The following NEK1 variants were observed in gnomAD, a reference collection of about 807,000 sequenced individuals.
The protein encoded by NEK1 is serine/threonine-protein kinase Nek1.
Under a neutral mutation model 182.1 loss-of-function variants are expected in NEK1, and 137 were observed. The observed-to-expected ratio is 0.75, with a 90% CI of 0.65 to 0.87. The LOEUF (loss-of-function observed/expected upper bound fraction) is 0.87. Ranked by LOEUF, NEK1 falls within the 40% of genes least tolerant of loss-of-function variation. The probability of loss-of-function intolerance (pLI) is 0.00; values close to 1 mark genes in which losing one functional copy is unlikely to be tolerated. For missense variants in NEK1, 1,391 were observed against 1,494.4 expected (o/e 0.93, Z 1.14); for synonymous variants, 513 against 492.2 (o/e 1.04, Z -0.56).
rs532859434 is a variant in NEK1, at chr4:169,570,826, T to C, written c.1020+6102A>G. Among the ~76,000 whole-genome samples, 6 of 152,370 alleles carry C rather than the reference T, an allele frequency of 3.9e-5. No individual in the cohort carries two copies. The South Asian group carries it at 8.3e-4, about 21-fold the overall frequency. ...ACATGGGAGACTTTTCATTTTGTTC[T>C]GTACTAAGAACAAATTCTTCTGCCT... On this transcript the variant is annotated intron_variant, in intron 12 of 35. Coordinates refer to ENST00000507142, the MANE Select transcript of NEK1 (RefSeq NM_001199397.3).
intron 23 of NEK1, among the ~76,000 whole-genome samples, chr4:169,499,511 T>A (rs1752015938): frequency 6.6e-6 from 1 of 152,180 alleles, no homozygotes; most frequent in African/African-American, 2.4e-5. Flanking sequence ...TTCTGCTCTG[T>A]TTTTTCCCTA....
intron 27 of NEK1, among the ~76,000 whole-genome samples, chr4:169,459,273 A>C (rs1454185233): frequency 6.6e-6 from 1 of 152,232 alleles, no homozygotes; most frequent in Non-Finnish European, 1.5e-5. Flanking sequence ...TATAGTAAGA[A>C]TCATATGAAA....
At chr4:169,559,526 G>C (rs970746348) in intron 16 of NEK1, among the ~76,000 whole-genome samples, 1 of 152,126 alleles carries the variant, frequency 6.6e-6, no homozygotes, top group African/African-American at 2.4e-5. Context: ...TGCACCTCAA[G>C]AGACTGAAAA....
rs576098901 is a variant in NEK1 at position 169,496,560 on chromosome 4, T to C, written c.2007+10477A>G. Among the ~76,000 whole-genome samples the C allele has an allele frequency of 3.9e-3, 596 of 151,164 alleles. 5 individuals are homozygous for C. The highest frequency in any genetic ancestry group is 0.03 in the South Asian group (143 of 4,820). On this transcript the variant is annotated intron_variant, in intron 23 of 35. Transcript: ENST00000507142. ...TGGGTTTGTCATAGATAGCTCTTATTATTTTGAGATACGTCCCATCAATAC... is the reference window on the plus strand; with the variant it reads ...TGGGTTTGTCATAGATAGCTCTTATCATTTTGAGATACGTCCCATCAATAC...
chr4:169,501,080 CA>C (rs1005025712), intron 23 of NEK1, among the ~76,000 whole-genome samples: 4 of 151,954 alleles, frequency 2.6e-5, no homozygotes, highest in African/African-American at 9.7e-5. Flanking sequence ...AAATTTAAAA[CA>C]AAAAAGATCA....
At chr4:169,395,997 C>A (rs7663120) in intron 35 of NEK1, among the ~76,000 whole-genome samples, 137,474 of 152,200 alleles carry the variant, frequency 0.9, 62,188 homozygotes, top group African/African-American at 0.94. Flanking sequence ...CCGATGTATA[C>A]AATTTCATTA....
intron 23 of NEK1, among the ~76,000 whole-genome samples, chr4:169,484,925 GTTATT>G (rs1277146054): frequency 6.6e-6 from 1 of 152,136 alleles, no homozygotes; most frequent in African/African-American, 2.4e-5. Context: ...AGTAGCAATT[GTTATT>G]TATTTGGTTT....
chr4:169,490,621 T>A (rs929283107), intron 23 of NEK1, among the ~76,000 whole-genome samples: 1 of 151,738 alleles, frequency 6.6e-6, no homozygotes, highest in Non-Finnish European at 1.5e-5. Context: ...AATAAAGATA[T>A]ACATAACACA....
intron 2 of NEK1, among the ~76,000 whole-genome samples, chr4:169,606,767 T>A (rs765991351): frequency 3.0e-4 from 45 of 152,254 alleles, no homozygotes; most frequent in Non-Finnish European, 5.7e-4. Flanking sequence ...TCAACCATGA[T>A]GGTGTTCTTA....
intron 18 of NEK1, among the ~76,000 whole-genome samples, chr4:169,544,531 C>T (rs890497807): frequency 6.7e-6 from 1 of 148,656 alleles, no homozygotes; most frequent in Non-Finnish European, 1.5e-5. Context: ...GCAATAGTTT[C>T]AGAAGGAATG....
At chr4:169,566,809 A>G (rs531252474) in intron 12 of NEK1, among the ~76,000 whole-genome samples, 1 of 152,322 alleles carries the variant, frequency 6.6e-6, no homozygotes, top group African/African-American at 2.4e-5. Context: ...AGATAAAAAA[A>G]AATCAAGGGA....
chr4:169,443,272 C>T (rs1057360381), intron 27 of NEK1, among the ~76,000 whole-genome samples: 14 of 151,848 alleles, frequency 9.2e-5, no homozygotes, highest in Non-Finnish European at 1.6e-4. Flanking sequence ...GCTGTGATCA[C>T]AGCACTGCCA....
intron 5 of NEK1, among the ~76,000 whole-genome samples, chr4:169,591,346 C>T (rs1225555484): frequency 6.6e-6 from 1 of 151,898 alleles, no homozygotes; most frequent in Non-Finnish European, 1.5e-5. Flanking sequence ...GAGACAGTGT[C>T]CCACTATGTT....
At chr4:169,556,848 C>G (rs1004862976) in intron 16 of NEK1, among the ~76,000 whole-genome samples, 3 of 151,320 alleles carry the variant, frequency 2.0e-5, no homozygotes, top group Non-Finnish European at 4.4e-5. Context: ...TAAATATGAG[C>G]CAAGGCATTA....
Position 169,419,247 on chromosome 4 carries a change from A to G in NEK1, c.3222+5306T>C, listed in dbSNP as rs77128030. On this transcript the variant is annotated intron_variant, in intron 31 of 35. Coordinates refer to ENST00000507142, the MANE Select transcript of NEK1 (RefSeq NM_001199397.3). ...CTCACATATTTCTTAGAAACAATGC[A>G]ACCCAGAAGACAATATAATTCTATA... Among the ~76,000 whole-genome samples, 1,469 of 152,248 alleles carry G rather than the reference A, an allele frequency of 9.6e-3. 16 individuals carry two copies. Among genetic ancestry groups the G allele is most frequent in the African/African-American group, 0.033 (1,391 of 41,550 alleles).
Position 169,393,260 on chromosome 4 carries a change from A to G in NEK1, c.*1250T>C, listed in dbSNP as rs894267304. 1 of 152,194 alleles carries G rather than the reference A, an allele frequency of 6.6e-6. No individual in the cohort carries two copies. Among genetic ancestry groups the G allele is most frequent in the South Asian group, 2.1e-4 (1 of 4,830 alleles). The allele number at this position is 152,194 out of a possible 1,614,324, so 9.4% of individuals were successfully genotyped here. A position where few individuals can be genotyped will look rare whatever the true frequency, so the allele number is the denominator to read the frequency against. On this transcript the variant is annotated 3_prime_UTR_variant, in exon 36 of 36. Coordinates refer to ENST00000507142, the MANE Select transcript of NEK1 (RefSeq NM_001199397.3). ...AGAAAAGTAAAATAATAAATAAAAG[A>G]CAATTGATATACTTCAGGTAGATAA...
chr4:169,522,175 T>G (rs1756176330), intron 19 of NEK1, among the ~76,000 whole-genome samples: 2 of 152,240 alleles, frequency 1.3e-5, no homozygotes, highest in South Asian at 4.1e-4. Context: ...CTGTGAATCT[T>G]AATTTTGATT....
At chr4:169,511,620 A>G (rs1754200974) in intron 19 of NEK1, among the ~76,000 whole-genome samples, 1 of 152,130 alleles carries the variant, frequency 6.6e-6, no homozygotes, top group Non-Finnish European at 1.5e-5. Flanking sequence ...TTACACCATC[A>G]AAACCAGGAA....
intron 23 of NEK1, among the ~76,000 whole-genome samples, chr4:169,497,791 C>A (rs1277981851): frequency 2.6e-5 from 4 of 152,116 alleles, no homozygotes; most frequent in African/African-American, 9.7e-5. Context: ...AATTTCTGTT[C>A]TTTTACATTT....
Sources: allele counts gnomAD v4.1 joint callset (sites outside exome capture counted in the v4.1 genomes callset), GRCh38; gene constraint gnomAD v4.1.1; transcripts MANE v1.5; gene names NCBI Gene and HGNC (gene_info 2026-07-23, HGNC 2026-07-21).